Variants in ATRNL1 observed in about 807,000 individuals in gnomAD.
The protein encoded by ATRNL1 is attractin like 1.
A neutral mutation model predicts 182.7 loss-of-function variants in ATRNL1; 95 were observed. That is an observed-to-expected ratio of 0.52 (90% CI 0.44 to 0.62). ATRNL1 has a LOEUF of 0.62. Ranked by LOEUF, ATRNL1 falls within the 20% of genes least tolerant of loss-of-function variation. ATRNL1 has a pLI of 0.00. For missense variants in ATRNL1, 1,471 were observed against 1,679.5 expected (o/e 0.88, Z 2.17); for synonymous variants, 576 against 568.3 (o/e 1.01, Z -0.19).
At chr10:115,348,758 A>G (rs1346805483) in intron 19 of ATRNL1, among the ~76,000 whole-genome samples, 5 of 152,178 alleles carry the variant, frequency 3.3e-5, no homozygotes, top group Non-Finnish European at 5.9e-5. Context: ...ATTAGTGACA[A>G]AGAGATGAAT....
intron 5 of ATRNL1, 42 bp from the exon 6 acceptor site, chr10:115,159,998 C>T (rs1846701672): frequency 1.4e-6 from 2 of 1,408,746 alleles, no homozygotes; most frequent in Non-Finnish European, 1.9e-6. Flanking sequence ...AATCTGAGGG[C>T]TTTGTTTAAT....
intron 26 of ATRNL1, among the ~76,000 whole-genome samples, chr10:115,629,058 T>C (rs1213094335): frequency 6.6e-6 from 1 of 152,178 alleles, no homozygotes; most frequent in Non-Finnish European, 1.5e-5. Flanking sequence ...TTCATTCCAT[T>C]ACTCTATATG....
At chr10:115,321,761 A>C (rs893994137) in intron 18 of ATRNL1, among the ~76,000 whole-genome samples, 27 of 151,422 alleles carry the variant, frequency 1.8e-4, no homozygotes, top group Non-Finnish European at 4.4e-5. Context: ...AAGTCTTCAG[A>C]CTGAGCAATT....
In ATRNL1 at chr10:115,660,730, A is replaced by G. The variant is rs138324277; in HGVS notation, c.3796-66518A>G. Among the ~76,000 whole-genome samples, 22 of 152,258 alleles carry G rather than the reference A, an allele frequency of 1.4e-4. No individual in the cohort carries two copies. The East Asian group carries it at 4.1e-3, about 28-fold the overall frequency. On this transcript the variant is annotated intron_variant, in intron 26 of 28. Coordinates refer to ENST00000355044, the MANE Select transcript of ATRNL1 (RefSeq NM_207303.4). ...AGAGAAGTAAGAGATGAGAAAGTAG[A>G]GTGAGTAAAAATAACTCTTTCAAGT...
At chr10:115,800,533 G>A (rs184850056) in intron 27 of ATRNL1, among the ~76,000 whole-genome samples, 56 of 152,186 alleles carry the variant, frequency 3.7e-4, no homozygotes, top group African/African-American at 1.3e-3. Context: ...TGATTCCCCC[G>A]CAGGAAAGAG....
chr10:115,503,698 TA>T (rs1264259462), intron 24 of ATRNL1, among the ~76,000 whole-genome samples: 4 of 149,560 alleles, frequency 2.7e-5, no homozygotes, highest in Admixed American at 6.6e-5. Flanking sequence ...TTTTTATTTT[TA>T]TTTTTTTAAT....
At chr10:115,659,897 C>T (rs183164474) in intron 26 of ATRNL1, among the ~76,000 whole-genome samples, 91 of 152,134 alleles carry the variant, frequency 6.0e-4, no homozygotes, top group African/African-American at 1.8e-3. Context: ...GTGTTTATGA[C>T]GAGTGAGGGT....
intron 19 of ATRNL1, among the ~76,000 whole-genome samples, chr10:115,387,028 C>T (rs1486510213): frequency 6.6e-6 from 1 of 151,826 alleles, no homozygotes; most frequent in Non-Finnish European, 1.5e-5. Context: ...AAATGTCCAA[C>T]AATGATAGAC....
chr10:115,869,235 G>A (rs1555105489), intron 28 of ATRNL1, among the ~76,000 whole-genome samples: 1 of 152,194 alleles, frequency 6.6e-6, no homozygotes, highest in Non-Finnish European at 1.5e-5. Flanking sequence ...AATCTGCAAA[G>A]GGGTATTAAA....
chr10:115,398,300 C>T (rs1419151783), intron 20 of ATRNL1, among the ~76,000 whole-genome samples: 1 of 151,916 alleles, frequency 6.6e-6, no homozygotes, highest in Non-Finnish European at 1.5e-5. Flanking sequence ...GTAGTAATGA[C>T]AGTTTTCAGT....
chr10:115,407,846 A>G (rs1305695217), intron 20 of ATRNL1, among the ~76,000 whole-genome samples: 1 of 152,050 alleles, frequency 6.6e-6, no homozygotes, highest in East Asian at 1.9e-4. Context: ...TTACATTCTT[A>G]TCAACAATGT....
At chr10:115,305,606 C>T (rs1322459468) in intron 17 of ATRNL1, among the ~76,000 whole-genome samples, 4 of 152,116 alleles carry the variant, frequency 2.6e-5, no homozygotes, top group African/African-American at 7.2e-5. Context: ...AGACAATGCG[C>T]ACCTTCTCCT....
chr10:115,750,283 G>A (rs1054248425), intron 27 of ATRNL1, among the ~76,000 whole-genome samples: 2 of 151,442 alleles, frequency 1.3e-5, no homozygotes, highest in African/African-American at 4.9e-5. Context: ...TTAAAAGAAA[G>A]GTCTATTAAT....
At chr10:115,706,711 C>G (rs1946910866) in intron 26 of ATRNL1, among the ~76,000 whole-genome samples, 2 of 151,876 alleles carry the variant, frequency 1.3e-5, no homozygotes, top group South Asian at 4.1e-4. Flanking sequence ...TAGGCCTAAT[C>G]TGAATTAATT....
At chr10:115,914,261 C>A (rs74990153) in intron 28 of ATRNL1, among the ~76,000 whole-genome samples, 5,135 of 152,280 alleles carry the variant, frequency 0.034, 121 homozygotes, top group Non-Finnish European at 0.05. Context: ...TTTACCCAAT[C>A]TCAGATATTT....
intron 26 of ATRNL1, among the ~76,000 whole-genome samples, chr10:115,596,870 A>G (rs1555014129): frequency 6.6e-6 from 1 of 152,148 alleles, no homozygotes; most frequent in East Asian, 1.9e-4. Context: ...ATCAAATAGG[A>G]CTAGTTATTG....
intron 8 of ATRNL1, among the ~76,000 whole-genome samples, chr10:115,190,798 C>A (rs1262132051): frequency 3.9e-5 from 6 of 151,984 alleles, no homozygotes; most frequent in Non-Finnish European, 2.9e-5. Context: ...CTGTAGTCAC[C>A]CTATTTTGCT....
chr10:115,447,376 C>A (rs1451318769), intron 21 of ATRNL1, among the ~76,000 whole-genome samples: 1 of 151,254 alleles, frequency 6.6e-6, no homozygotes, highest in South Asian at 2.1e-4. Context: ...TTGTTTTGTC[C>A]TTATTATGCT....
chr10:115,922,470 A>C (rs1953095106), intron 28 of ATRNL1, among the ~76,000 whole-genome samples: 3 of 152,076 alleles, frequency 2.0e-5, no homozygotes, highest in Non-Finnish European at 4.4e-5. Context: ...ATTATGTTTT[A>C]ATTTCTTTTT....
Sources: gnomAD v4.1 joint callset for allele counts (sites outside exome capture counted in the v4.1 genomes callset) on GRCh38, gnomAD v4.1.1 for gene constraint, MANE v1.5 for transcripts, NCBI Gene and HGNC (gene_info 2026-07-23, HGNC 2026-07-21) for gene names.